Variants in NME9 observed in about 807,000 individuals in gnomAD.
NME9 encodes NME/NM23 family member 9, also known as thioredoxin domain-containing protein 6.
NME9 carries 48 observed loss-of-function variants against 44.4 expected under a neutral mutation model. The observed-to-expected ratio is 1.08, with a 90% CI of 0.86 to 1.37. The LOEUF (loss-of-function observed/expected upper bound fraction) is 1.37, where lower values mean the gene tolerates loss of function less well. Ranked by LOEUF, NME9 falls within the 40% of genes most tolerant of loss-of-function variation. The probability of loss-of-function intolerance (pLI) is 0.00; values close to 1 mark genes in which losing one functional copy is unlikely to be tolerated. For synonymous variants in NME9, 139 were observed against 147.1 expected (o/e 0.94, Z 0.40); for missense variants, 325 against 405.2 (o/e 0.80, Z 1.70).
chr3:138,276,745 G>A (rs1473894854), intron 8 of NME9, among the ~76,000 whole-genome samples: 1 of 152,122 alleles, frequency 6.6e-6, no homozygotes, highest in East Asian at 1.9e-4. Context: ...TAAAAACACT[G>A]ATAATGAAAG....
At chr3:138,296,125 C>T (rs745576773), downstream of NME9, 2 of 475,358 alleles carry the variant, frequency 4.2e-6, no homozygotes, top group Non-Finnish European at 7.5e-6. Flanking sequence ...TTCTGAGCTA[C>T]TCGGACTCTT....
At chr3:138,319,285 G>A (rs2053309306) in intron 3 of NME9, among the ~76,000 whole-genome samples, 193 bp downstream of exon 3, 1 of 152,168 alleles carries the variant, frequency 6.6e-6, no homozygotes, top group South Asian at 2.1e-4. Context: ...ACACAGGGAG[G>A]TGGGGTGGGG....
chr3:138,315,406 A>G, intron 5 of NME9, 121 bp downstream of exon 5: 1 of 663,862 alleles, frequency 1.5e-6, no homozygotes, highest in Non-Finnish European at 2.6e-6. Context: ...CCCAGGTGAA[A>G]CTTTTATGAA....
chr3:138,316,573 C>A (rs2053096496), intron 4 of NME9, among the ~76,000 whole-genome samples: 1 of 152,120 alleles, frequency 6.6e-6, no homozygotes, highest in Non-Finnish European at 1.5e-5. Flanking sequence ...TTGGGATGAA[C>A]CTGAGTTTCT....
chr3:138,286,115 G>T (rs1384090560), intron 8 of NME9, among the ~76,000 whole-genome samples: 1 of 152,048 alleles, frequency 6.6e-6, no homozygotes, highest in Non-Finnish European at 1.5e-5. Flanking sequence ...GCTAATTTTT[G>T]TATTTTTAGA....
chr3:138,305,566 G>A (rs919383572), intron 8 of NME9, among the ~76,000 whole-genome samples: 5 of 152,158 alleles, frequency 3.3e-5, no homozygotes, highest in African/African-American at 1.2e-4. Flanking sequence ...CTGAGAGGAA[G>A]GGTTCTGACC....
chr3:138,264,894 A>AT (rs771921655), intron 8 of NME9, among the ~76,000 whole-genome samples: 283 of 140,112 alleles, frequency 2.0e-3, no homozygotes, highest in South Asian at 3.2e-3. Context: ...CAATCCCTGG[A>AT]TTTTTTTTTT....
intron 2 of NME9, among the ~76,000 whole-genome samples, chr3:138,323,716 G>T (rs950788579): frequency 6.6e-6 from 1 of 152,212 alleles, no homozygotes. Flanking sequence ...TGGTGGAGGG[G>T]GTGGTAATGG....
At chr3:138,321,614 T>A (rs2053467849) in intron 2 of NME9, among the ~76,000 whole-genome samples, 1 of 152,152 alleles carries the variant, frequency 6.6e-6, no homozygotes, top group Non-Finnish European at 1.5e-5. Flanking sequence ...TTTCAGCTGC[T>A]CCAGGGAAGA....
exon 9 of NME9, chr3:138,262,394 A>C: frequency 1.1e-6 from 1 of 909,546 alleles, no homozygotes; most frequent in South Asian, 1.9e-5. Flanking sequence ...CTACAGCTAA[A>C]ATGTGGTTCC....
chr3:138,289,822 G>T (rs886441533), intron 8 of NME9, among the ~76,000 whole-genome samples: 1 of 152,124 alleles, frequency 6.6e-6, no homozygotes, highest in South Asian at 2.1e-4. Flanking sequence ...AGATTTCTGG[G>T]CCCCATCCCT....
intron 5 of NME9, among the ~76,000 whole-genome samples, chr3:138,315,154 A>T (rs1334819177): frequency 1.3e-5 from 2 of 152,216 alleles, no homozygotes; most frequent in Admixed American, 6.5e-5. Context: ...CAGGAATATG[A>T]GCCAGTGGGT....
At chr3:138,316,472 T>C (rs1277397412) in intron 4 of NME9, among the ~76,000 whole-genome samples, 1 of 152,146 alleles carries the variant, frequency 6.6e-6, no homozygotes, top group Non-Finnish European at 1.5e-5. Context: ...ATTGCTGTAA[T>C]AGGGAAACTT....
intron 8 of NME9, among the ~76,000 whole-genome samples, chr3:138,282,584 T>C (rs1046321528): frequency 7.0e-6 from 1 of 143,882 alleles, no homozygotes; most frequent in Admixed American, 7.4e-5. Context: ...AGGCAGAGGT[T>C]GCGGTGAGCC....
exon 9 of NME9, chr3:138,262,464 CTTCTT>C: frequency 3.9e-6 from 6 of 1,520,232 alleles, no homozygotes; most frequent in Non-Finnish European, 5.4e-6. Flanking sequence ...ATTTTCTTCT[CTTCTT>C]GTTTGGCTGA....
At chr3:138,306,156 AT>A in intron 7 of NME9, 60 bp from the exon 8 acceptor site, 2 of 1,251,076 alleles carry the variant, frequency 1.6e-6, no homozygotes, top group Non-Finnish European at 2.3e-6. Context: ...ACATTGATTA[AT>A]TAATTTAGTT....
intron 8 of NME9, among the ~76,000 whole-genome samples, chr3:138,276,661 T>G (rs774908367): frequency 1.3e-5 from 2 of 152,188 alleles, no homozygotes; most frequent in Non-Finnish European, 2.9e-5. Context: ...TATTAAACAG[T>G]ACCATTTGCA....
intron 8 of NME9, among the ~76,000 whole-genome samples, chr3:138,270,817 C>T (rs192721414): frequency 5.2e-4 from 79 of 152,058 alleles, no homozygotes; most frequent in Middle Eastern, 6.8e-3. Flanking sequence ...AACCATTTCT[C>T]CTTAAGATTA....
chr3:138,284,414 C>T lies in NME9; in HGVS notation c.745+19093G>A, dbSNP rs1193555408. 10 of 1,599,266 alleles carry T rather than the reference C, an allele frequency of 6.3e-6. No individual in the cohort carries two copies. In the South Asian group the frequency reaches 1.1e-4, roughly 18 times the overall value. ...CTTCAGAGCTTTCCTGACTGTTGGC[C>T]CTTTGTTCTTTTCCAGACACTGTGC... On this transcript the variant is annotated intron_variant, in intron 8 of 8. Transcript: ENST00000317876.
Sources: allele counts gnomAD v4.1 joint callset (sites outside exome capture counted in the v4.1 genomes callset), GRCh38; gene constraint gnomAD v4.1.1; transcripts MANE v1.5; gene names NCBI Gene and HGNC (gene_info 2026-07-23, HGNC 2026-07-21).